PACRG: variants seen among roughly 807,000 people sequenced by gnomAD.
The protein encoded by PACRG is parkin coregulated gene protein.
PACRG carries 29 observed loss-of-function variants against 29.7 expected under a neutral mutation model. That is an observed-to-expected ratio of 0.98 (90% CI 0.73 to 1.33). The LOEUF (loss-of-function observed/expected upper bound fraction) is 1.33. Ranked by LOEUF, PACRG falls within the 40% of genes most tolerant of loss-of-function variation. The pLI is 0.00. For synonymous variants in PACRG, 116 were observed against 118.7 expected, an observed-to-expected ratio of 0.98 and a Z score of 0.15; for missense variants, 279 against 316.2, an observed-to-expected ratio of 0.88 and a Z score of 0.89.
At chr6:162,830,270 GT>G (rs1387414995) in intron 2 of PACRG, among the ~76,000 whole-genome samples, 13 of 152,126 alleles carry the variant, frequency 8.5e-5, no homozygotes, top group Non-Finnish European at 1.0e-4. Context: ...CTGGAATCAG[GT>G]GGAGTCACTG....
At chr6:162,733,654 C>T (rs1019986346) in intron 1 of PACRG, among the ~76,000 whole-genome samples, 2 of 152,090 alleles carry the variant, frequency 1.3e-5, no homozygotes, top group African/African-American at 4.8e-5. Context: ...GTGATCTGCC[C>T]ACCCTTGCTG....
At chr6:163,078,278 G>C (rs1174414246) in intron 3 of PACRG, among the ~76,000 whole-genome samples, 1 of 152,074 alleles carries the variant, frequency 6.6e-6, no homozygotes, top group African/African-American at 2.4e-5. Flanking sequence ...AGGTGGGTGG[G>C]TCACCTGAGG....
chr6:162,846,913 C>A (rs1790435553), intron 2 of PACRG, among the ~76,000 whole-genome samples: 1 of 145,522 alleles, frequency 6.9e-6, no homozygotes, highest in African/African-American at 2.5e-5. Flanking sequence ...ACACTGTCCA[C>A]TGTGCTCCCC....
chr6:162,890,859 T>G (rs1390048426), intron 2 of PACRG, among the ~76,000 whole-genome samples: 1 of 152,152 alleles, frequency 6.6e-6, no homozygotes, highest in Non-Finnish European at 1.5e-5. Flanking sequence ...CCCCTTGAGC[T>G]TCAAGTCTCT....
At chr6:163,090,105 G>C (rs943030104) in intron 4 of PACRG, among the ~76,000 whole-genome samples, 2 of 152,002 alleles carry the variant, frequency 1.3e-5, no homozygotes, top group African/African-American at 4.8e-5. Flanking sequence ...CCTGATAGTG[G>C]TATCAATAAG....
At chr6:162,727,578 T>C, upstream of PACRG, 2 of 1,403,696 alleles carry the variant, frequency 1.4e-6, no homozygotes, top group African/African-American at 2.9e-5. Context: ...GCACCGGGGG[T>C]CCTGGTCGGC....
intron 4 of PACRG, among the ~76,000 whole-genome samples, chr6:163,234,857 T>TA (rs1284262172): frequency 3.9e-5 from 6 of 152,016 alleles, no homozygotes; most frequent in African/African-American, 1.5e-4. Context: ...TTATAATGGG[T>TA]AAAAAAATAA....
chr6:162,999,207 A>G (rs1804358388), intron 2 of PACRG, among the ~76,000 whole-genome samples: 1 of 152,222 alleles, frequency 6.6e-6, no homozygotes, highest in African/African-American at 2.4e-5. Flanking sequence ...GGATATCAAG[A>G]GATTGCTGGA....
intron 4 of PACRG, among the ~76,000 whole-genome samples, chr6:163,201,260 C>T (rs918591469): frequency 2.4e-4 from 36 of 152,278 alleles, no homozygotes; most frequent in Middle Eastern, 6.8e-3. Flanking sequence ...CATTAGAGTA[C>T]ATATATTATA....
At chr6:163,281,333 C>A (rs1278140583) in intron 4 of PACRG, among the ~76,000 whole-genome samples, 1 of 152,102 alleles carries the variant, frequency 6.6e-6, no homozygotes, top group Non-Finnish European at 1.5e-5. Flanking sequence ...GCCCTTGGCT[C>A]CTGTGGAGAG....
intron 1 of PACRG, among the ~76,000 whole-genome samples, chr6:162,744,330 G>A (rs1158313559): frequency 6.6e-6 from 1 of 152,190 alleles, no homozygotes. Context: ...GGGTGTGGTG[G>A]CTCACGCCTA....
intron 2 of PACRG, among the ~76,000 whole-genome samples, chr6:162,925,202 C>T (rs893076307): frequency 1.6e-4 from 25 of 152,052 alleles, no homozygotes; most frequent in African/African-American, 5.8e-4. Context: ...AGTCCAGGAC[C>T]AGATGGATTC....
At chr6:162,942,675 C>A (rs1175470014) in intron 2 of PACRG, among the ~76,000 whole-genome samples, 2 of 152,250 alleles carry the variant, frequency 1.3e-5, no homozygotes, top group South Asian at 2.1e-4. Flanking sequence ...TATAATGATA[C>A]CTCATTCACC....
At chr6:163,085,746 C>T (rs114816173) in intron 3 of PACRG, among the ~76,000 whole-genome samples, 72 of 152,360 alleles carry the variant, frequency 4.7e-4, no homozygotes, top group African/African-American at 1.7e-3. Context: ...CTTCCCTTAA[C>T]CCTAGACTAG....
chr6:163,142,922 C>T (rs1777609102), intron 4 of PACRG, among the ~76,000 whole-genome samples: 1 of 152,084 alleles, frequency 6.6e-6, no homozygotes, highest in Non-Finnish European at 1.5e-5. Flanking sequence ...AAAATAAAGA[C>T]CAAGAATCCG....
intron 3 of PACRG, among the ~76,000 whole-genome samples, chr6:163,068,968 C>T (rs1811799350): frequency 6.6e-6 from 1 of 152,028 alleles, no homozygotes; most frequent in African/African-American, 2.4e-5. Flanking sequence ...CCCTTTGCTA[C>T]CATTTCAGAC....
rs1167500234 is a variant in PACRG at position 163,269,971 on chromosome 6, G to GAAAAC, written c.614-44853_614-44852insACAAA. 5.1e-4 allele frequency among the ~76,000 whole-genome samples: 31 copies of GAAAAC among 61,290 alleles called. 6 individuals are homozygous for GAAAAC. The highest frequency in any genetic ancestry group is 1.7e-3 in the African/African-American group (27 of 15,806). The allele number at this position is 61,290 out of a possible 152,430, so 40.2% of individuals were successfully genotyped here. On this transcript the variant is annotated intron_variant, in intron 4 of 4. Coordinates refer to ENST00000366888, the MANE Select transcript of PACRG (RefSeq NM_001080379.2). ...AGAAAGAAAGAAAGAAAGAAAGAAA[G>GAAAAC]AAAGAAAGAAAGAAAGAAAGAAAGA...
intron 4 of PACRG, among the ~76,000 whole-genome samples, chr6:163,131,335 AAAG>A (rs1816733062): frequency 1.3e-5 from 2 of 151,494 alleles, no homozygotes; most frequent in Non-Finnish European, 2.9e-5. Context: ...AAAAAAAAAA[AAAG>A]AAGAAGAGAA....
intron 2 of PACRG, among the ~76,000 whole-genome samples, chr6:162,823,176 ATTGT>A (rs963688923): frequency 3.9e-5 from 6 of 152,050 alleles, no homozygotes; most frequent in Non-Finnish European, 7.4e-5. Flanking sequence ...ATGTCAATGT[ATTGT>A]TTGTTTGTTT....
Sources: gnomAD v4.1 joint callset for allele counts (sites outside exome capture counted in the v4.1 genomes callset) on GRCh38, gnomAD v4.1.1 for gene constraint, MANE v1.5 for transcripts, NCBI Gene and HGNC (gene_info 2026-07-23, HGNC 2026-07-21) for gene names.